SOX6: variants seen among roughly 807,000 people sequenced by gnomAD.
The protein encoded by SOX6 is SRY-box transcription factor 6.
Under a neutral mutation model 97.8 loss-of-function variants are expected in SOX6, and 11 were observed. The ratio of observed to expected loss-of-function variants is 0.11; its 90% CI spans 0.07 to 0.19. SOX6 has a LOEUF of 0.19. SOX6 is among the 10% of genes least tolerant of loss of function. The pLI is 1.00. For missense variants in SOX6, 810 were observed against 1,039.5 expected (o/e 0.78, Z 3.04); for synonymous variants, 360 against 371.4 (o/e 0.97, Z 0.35).
intron 9 of SOX6, among the ~76,000 whole-genome samples, chr11:16,063,534 A>T (rs1347308212): frequency 1.1e-5 from 1 of 89,052 alleles, no homozygotes; most frequent in African/African-American, 4.8e-5. Flanking sequence ...ATATATATAT[A>T]TATATATATA....
intron 3 of SOX6, among the ~76,000 whole-genome samples, chr11:16,636,597 G>C (rs2134000052): frequency 6.6e-6 from 1 of 152,298 alleles, no homozygotes; most frequent in Non-Finnish European, 1.5e-5. Flanking sequence ...GTGAGGACAT[G>C]AGATATGGGA....
intron 4 of SOX6, among the ~76,000 whole-genome samples, chr11:16,517,642 T>G (rs2133157786): frequency 6.6e-6 from 1 of 152,286 alleles, no homozygotes; most frequent in East Asian, 1.9e-4. Context: ...CTATATATAT[T>G]ACACCCAATG....
At chr11:16,631,341 T>C (rs939273352) in intron 3 of SOX6, among the ~76,000 whole-genome samples, 1 of 152,230 alleles carries the variant, frequency 6.6e-6, no homozygotes, top group African/African-American at 2.4e-5. Flanking sequence ...CTTTCACTTA[T>C]AAAGCCTACT....
At chr11:16,156,753 TG>T (rs1850611513) in intron 6 of SOX6, among the ~76,000 whole-genome samples, 1 of 151,992 alleles carries the variant, frequency 6.6e-6, no homozygotes, top group African/African-American at 2.4e-5. Context: ...TCCTTCTCCC[TG>T]GAATACTTTT....
Position 16,154,507 on chromosome 11 carries a change from T to A in SOX6, c.777+29379A>T, listed in dbSNP as rs1180561344. Reference sequence around the variant, plus strand: ...CTATTGATGCTTCTTTCTGCTCTATTGTGCTCCCATTTTGCCTTTTAAGTG... The same window carrying A: ...CTATTGATGCTTCTTTCTGCTCTATAGTGCTCCCATTTTGCCTTTTAAGTG... On this transcript the variant is annotated intron_variant, in intron 6 of 15. Coordinates refer to ENST00000683767, the MANE Select transcript of SOX6 (RefSeq NM_001367873.1). Among the ~76,000 whole-genome samples the A allele has an allele frequency of 2.6e-5, 4 of 152,128 alleles. No homozygotes were observed. The East Asian group carries it at 7.7e-4, about 29-fold the overall frequency.
At chr11:16,464,204 T>C (rs181313436) in intron 1 of SOX6, among the ~76,000 whole-genome samples, 1 of 152,316 alleles carries the variant, frequency 6.6e-6, no homozygotes, top group African/African-American at 2.4e-5. Context: ...ATAAAGACTA[T>C]AATTTCTTTC....
At chr11:16,627,926 T>C (rs1848646651) in intron 3 of SOX6, among the ~76,000 whole-genome samples, 2 of 152,176 alleles carry the variant, frequency 1.3e-5, no homozygotes, top group Non-Finnish European at 2.9e-5. Context: ...TCTTGTACTT[T>C]AGGGTCTTAT....
chr11:16,265,849 G>GA (rs1854069694), intron 3 of SOX6, among the ~76,000 whole-genome samples: 1 of 151,678 alleles, frequency 6.6e-6, no homozygotes, highest in Admixed American at 6.6e-5. Context: ...AAATATTGCA[G>GA]AAAAAATTAG....
At chr11:16,585,883 A>G (rs1188299440) in intron 4 of SOX6, among the ~76,000 whole-genome samples, 2 of 151,940 alleles carry the variant, frequency 1.3e-5, no homozygotes, top group Admixed American at 6.6e-5. Context: ...GGGTTTTGCC[A>G]TGTTTCCCAG....
chr11:16,629,723 G>T (rs1439481438), intron 3 of SOX6, among the ~76,000 whole-genome samples: 1 of 152,002 alleles, frequency 6.6e-6, no homozygotes, highest in East Asian at 1.9e-4. Flanking sequence ...CCATCCAGCT[G>T]AGGCTTTTTG....
intron 3 of SOX6, chr11:16,270,103 T>C (rs1854208154): frequency 6.6e-6 from 1 of 151,090 alleles, no homozygotes; most frequent in African/African-American, 2.4e-5. Context: ...CTGATAAGGG[T>C]TTAATATTAG....
intron 1 of SOX6, among the ~76,000 whole-genome samples, chr11:16,459,656 A>T (rs1859881555): frequency 6.6e-6 from 1 of 152,126 alleles, no homozygotes; most frequent in South Asian, 2.1e-4. Context: ...GAATTTATAA[A>T]GATGAAAACA....
intron 1 of SOX6, among the ~76,000 whole-genome samples, chr11:16,369,363 C>A (rs918861606): frequency 6.6e-6 from 1 of 151,910 alleles, no homozygotes; most frequent in Non-Finnish European, 1.5e-5. Context: ...TCTATTTTTT[C>A]TTTTTCTATA....
chr11:16,579,947 G>A (rs532105636), intron 4 of SOX6, among the ~76,000 whole-genome samples: 2 of 151,992 alleles, frequency 1.3e-5, no homozygotes, highest in Non-Finnish European at 2.9e-5. Context: ...TCACCAACAC[G>A]CAAGGCATTG....
At chr11:16,403,682 T>C (rs1858618202) in intron 1 of SOX6, among the ~76,000 whole-genome samples, 1 of 151,618 alleles carries the variant, frequency 6.6e-6, no homozygotes, top group Non-Finnish European at 1.5e-5. Context: ...AAAACAAGAA[T>C]GATAAAAGGT....
At chr11:16,132,425 G>A (rs1389612402) in intron 6 of SOX6, among the ~76,000 whole-genome samples, 2 of 91,974 alleles carry the variant, frequency 2.2e-5, no homozygotes, top group African/African-American at 9.9e-5. Context: ...AAGAAAGAAA[G>A]AAAGAAAGAA....
At chr11:16,339,250 T>C (rs768254070) in intron 2 of SOX6, among the ~76,000 whole-genome samples, 8 of 152,056 alleles carry the variant, frequency 5.3e-5, no homozygotes, top group African/African-American at 1.2e-4. Context: ...ACGTTTTCCA[T>C]TGAACTTAGA....
At chr11:16,674,189 C>A (rs868217960) in intron 3 of SOX6, among the ~76,000 whole-genome samples, 79 of 76,252 alleles carry the variant, frequency 1.0e-3, no homozygotes, top group African/African-American at 1.1e-3. Context: ...GACTCCATCT[C>A]AAAAAAAAAA....
chr11:16,566,966 A>G (rs1350857392), intron 4 of SOX6, among the ~76,000 whole-genome samples: 1 of 152,268 alleles, frequency 6.6e-6, no homozygotes, highest in Non-Finnish European at 1.5e-5. Context: ...ACTGTGGTAC[A>G]TATCATGGAA....
Sources: gnomAD v4.1 joint callset for allele counts (sites outside exome capture counted in the v4.1 genomes callset) on GRCh38, gnomAD v4.1.1 for gene constraint, MANE v1.5 for transcripts, NCBI Gene and HGNC (gene_info 2026-07-23, HGNC 2026-07-21) for gene names.